Variants in FERMT2 observed in about 807,000 individuals in gnomAD.
The protein encoded by FERMT2 is FERM domain containing kindlin 2.
In FERMT2, 15 loss-of-function variants were observed where a neutral mutation model predicts 82.7. The observed-to-expected ratio is 0.18, with a 90% confidence interval of 0.12 to 0.28. FERMT2 has a LOEUF of 0.28. Among genes scored for constraint, FERMT2 ranks in the 10% least tolerant of loss-of-function variants. The pLI, the probability that FERMT2 is intolerant of heterozygous loss-of-function variation, is 1.00. For synonymous variants in FERMT2, 274 were observed against 271.5 expected, an observed-to-expected ratio of 1.01 and a Z score of -0.09; for missense variants, 645 against 809.4, an observed-to-expected ratio of 0.80 and a Z score of 2.46.
intron 4 of FERMT2, among the ~76,000 whole-genome samples, chr14:52,890,440 G>A (rs1279643791): frequency 2.2e-5 from 3 of 137,958 alleles, no homozygotes; most frequent in Admixed American, 7.5e-5. Context: ...GTGACACTCC[G>A]TCTGAAAAAA....
At chr14:52,867,733 A>T (rs112667859) in intron 10 of FERMT2, among the ~76,000 whole-genome samples, 2,467 of 151,746 alleles carry the variant, frequency 0.016, 56 homozygotes, top group African/African-American at 0.055. Flanking sequence ...CCCAAATTAA[A>T]CTCATCTTTC....
At chr14:52,871,245 T>G (rs1885604433) in intron 10 of FERMT2, among the ~76,000 whole-genome samples, 1 of 152,034 alleles carries the variant, frequency 6.6e-6, no homozygotes, top group Non-Finnish European at 1.5e-5. Context: ...TGGAAATGAG[T>G]CTAGAAAGTG....
intron 3 of FERMT2, among the ~76,000 whole-genome samples, chr14:52,895,872 G>A (rs1887227001): frequency 6.6e-6 from 1 of 152,146 alleles, no homozygotes; most frequent in African/African-American, 2.4e-5. Flanking sequence ...GAAAGGAGAA[G>A]CAATAGGTCT....
chr14:52,865,456 CAG>C (rs1369486432), intron 10 of FERMT2, among the ~76,000 whole-genome samples: 1 of 152,162 alleles, frequency 6.6e-6, no homozygotes, highest in Non-Finnish European at 1.5e-5. Flanking sequence ...GCTCTGCAGT[CAG>C]AGAGACTTGG....
At chr14:52,862,947 C>G (rs1226316200) in intron 12 of FERMT2, 5 of 152,132 alleles carry the variant, frequency 3.3e-5, no homozygotes, top group Admixed American at 3.3e-4. Flanking sequence ...CTTTTATCTC[C>G]CTGATACCTT....
intron 7 of FERMT2, among the ~76,000 whole-genome samples, chr14:52,876,109 C>T (rs775173956): frequency 5.9e-5 from 9 of 152,178 alleles, no homozygotes; most frequent in Non-Finnish European, 1.2e-4. Flanking sequence ...AAATCTTAAT[C>T]AATTACCTTT....
intron 3 of FERMT2, among the ~76,000 whole-genome samples, chr14:52,911,938 TC>T (rs1206079559): frequency 6.6e-6 from 1 of 152,164 alleles, no homozygotes; most frequent in Non-Finnish European, 1.5e-5. Flanking sequence ...CTAGTTTTTC[TC>T]CTGGTTTCCT....
chr14:52,903,298 G>A (rs1277399054), intron 3 of FERMT2, among the ~76,000 whole-genome samples: 2 of 152,138 alleles, frequency 1.3e-5, no homozygotes, highest in South Asian at 2.1e-4. Flanking sequence ...AGCACTTTGG[G>A]AGACGAAGGT....
At chr14:52,930,736 G>C (rs553896961) in intron 2 of FERMT2, among the ~76,000 whole-genome samples, 1 of 152,202 alleles carries the variant, frequency 6.6e-6, no homozygotes, top group South Asian at 2.1e-4. Context: ...TTTTTAACTT[G>C]CTTTCCTTTC....
chr14:52,868,308 G>T (rs776279660), intron 10 of FERMT2, among the ~76,000 whole-genome samples: 3 of 151,502 alleles, frequency 2.0e-5, no homozygotes, highest in Non-Finnish European at 4.4e-5. Context: ...AGCCTCCTGA[G>T]TAGCTGGGAT....
intron 2 of FERMT2, among the ~76,000 whole-genome samples, chr14:52,939,146 G>A: frequency 6.9e-6 from 1 of 144,546 alleles, no homozygotes. Flanking sequence ...CTTGAGGTTA[G>A]GAATTCAAGA....
At position 52,897,457 on chromosome 14, in the gene FERMT2, T is replaced by C. The variant is rs566415435; in HGVS notation, c.392-4030A>G. On this transcript the variant is annotated intron_variant, in intron 3 of 14. Transcript: ENST00000341590. ...TCTCGTGTTTTTAATAATTTATATA[T>C]ATTTTCTTCCTTTTCTCATTTTTCT... Among the ~76,000 whole-genome samples the C allele has an allele frequency of 3.9e-5, 6 of 152,298 alleles. 1 individual carries two copies. The South Asian group carries it at 1.2e-3, about 32-fold the overall frequency.
intron 13 of FERMT2, 34 bp downstream of exon 13, chr14:52,860,307 T>A: frequency 6.2e-7 from 1 of 1,605,834 alleles, no homozygotes; most frequent in Non-Finnish European, 8.5e-7. Flanking sequence ...AAATGCAGAT[T>A]AAGGTTTACA....
rs993996144 is a variant in FERMT2, at chr14:52,864,446, T to C, written c.1557A>G (p.Glu519=). 1.9e-6 allele frequency: 3 copies of C among 1,614,166 alleles called. No homozygotes were observed. Among genetic ancestry groups the C allele is most frequent in the South Asian group, 2.2e-5 (2 of 91,082 alleles). ...TTAGATAGCGGGGAGACACCAAACA[T>C]TCAGGAGTTATATCAGTCGTGATCT... is the stretch of plus-strand genomic sequence containing the variant. The part of the protein sequence containing the change: ...PEQITTDITP[E]CLVSPRYLKK... Residue 519 remains glutamate (E), a synonymous_variant, in exon 12 of 15, where the codon GAA becomes GAG. Transcript: ENST00000341590.
chr14:52,874,153 G>T, intron 9 of FERMT2, 24 bp downstream of exon 9: 1 of 1,486,882 alleles, frequency 6.7e-7, no homozygotes, highest in Non-Finnish European at 9.2e-7. Flanking sequence ...ATTAATATTT[G>T]GCATCCCTCC....
Position 52,949,949 on chromosome 14 carries a change from T to C in FERMT2, c.157+463A>G, listed in dbSNP as rs17125987. 9.8e-3 allele frequency among the ~76,000 whole-genome samples: 1,499 copies of C among 152,246 alleles called. 38 individuals carry two copies. The highest frequency in any genetic ancestry group is 0.027 in the East Asian group (141 of 5,184). On this transcript the variant is annotated intron_variant, in intron 2 of 14. Coordinates refer to ENST00000341590, the MANE Select transcript of FERMT2 (RefSeq NM_006832.3). ...CACAGAAACTTCACACTGGCGCCAG[T>C]AGTTGCACATTTTCCAGCACAGATT...
intron 8 of FERMT2, among the ~76,000 whole-genome samples, chr14:52,874,864 T>A (rs1276246726): frequency 6.6e-6 from 1 of 152,152 alleles, no homozygotes; most frequent in African/African-American, 2.4e-5. Flanking sequence ...GAGATCAGAC[T>A]AGACAACACA....
chr14:52,909,830 G>A (rs938568820), intron 3 of FERMT2, among the ~76,000 whole-genome samples: 2 of 152,080 alleles, frequency 1.3e-5, no homozygotes, highest in Non-Finnish European at 2.9e-5. Context: ...CAGGGTGGGT[G>A]GATCACGAGG....
At chr14:52,944,306 G>A (rs138421416) in intron 2 of FERMT2, among the ~76,000 whole-genome samples, 3 of 152,252 alleles carry the variant, frequency 2.0e-5, no homozygotes, top group Non-Finnish European at 4.4e-5. Context: ...TTCTTATAAT[G>A]TTAATGTATT....
Sources: gnomAD v4.1 joint callset for allele counts (sites outside exome capture counted in the v4.1 genomes callset) on GRCh38, gnomAD v4.1.1 for gene constraint, MANE v1.5 for transcripts, NCBI Gene and HGNC (gene_info 2026-07-23, HGNC 2026-07-21) for gene names.